Variants in APC2 observed in about 807,000 individuals in gnomAD.
APC2 encodes the protein APC regulator of Wnt signaling pathway 2, also known as adenomatous polyposis coli protein 2.
APC2 carries 41 observed loss-of-function variants against 72.5 expected under a neutral mutation model. That is an observed-to-expected ratio of 0.57 (90% CI 0.44 to 0.73). APC2 has a LOEUF of 0.73. Among genes scored for constraint, APC2 ranks in the 30% least tolerant of loss-of-function variants. The probability of loss-of-function intolerance (pLI) is 0.00; values close to 1 mark genes in which losing one functional copy is unlikely to be tolerated. For missense variants in APC2, 3,729 were observed against 3,403.4 expected, an observed-to-expected ratio of 1.10 and a Z score of -2.38; for synonymous variants, 1,898 against 1,612.0, an observed-to-expected ratio of 1.18 and a Z score of -4.25.
intron 13 of APC2, 69 bp from the exon 14 acceptor site, chr19:1,461,894 T>G: frequency 7.6e-7 from 1 of 1,319,776 alleles, no homozygotes; most frequent in Admixed American, 2.3e-5. Context: ...CTTCACTGAA[T>G]GTGAGCGTGG....
intron 4 of APC2, among the ~76,000 whole-genome samples, chr19:1,454,228 G>T (rs2083783617): frequency 6.6e-6 from 1 of 152,208 alleles, no homozygotes; most frequent in South Asian, 2.1e-4. Context: ...AACCTCTGTT[G>T]CACCTGGAGC....
chr19:1,459,960 C>T (rs1214832735), intron 10 of APC2, among the ~76,000 whole-genome samples: 6 of 152,256 alleles, frequency 3.9e-5, no homozygotes, highest in African/African-American at 9.6e-5. Context: ...TGACAGGAGG[C>T]GGGGGTGGCA....
upstream of APC2, chr19:1,450,057 C>T: frequency 1.1e-6 from 1 of 890,688 alleles, no homozygotes; most frequent in South Asian, 5.2e-5. Flanking sequence ...TGGCACCAGC[C>T]CGTCTTCCCG....
chr19:1,460,073 G>A (rs2083898674), intron 10 of APC2, 108 bp from the exon 11 acceptor site: 1 of 1,450,726 alleles, frequency 6.9e-7, no homozygotes, highest in African/African-American at 1.4e-5. Flanking sequence ...GGAACTTGAG[G>A]GCAGGTCTGG....
chr19:1,454,060 T>A lies in APC2; in HGVS notation c.413+449T>A, dbSNP rs557116303. Among the ~76,000 whole-genome samples the A allele has an allele frequency of 7.9e-5, 12 of 152,270 alleles. No homozygotes were observed. The East Asian group carries it at 2.3e-3, about 29-fold the overall frequency. On this transcript the variant is annotated intron_variant, in intron 4 of 14. Coordinates refer to ENST00000590469, the MANE Select transcript of APC2 (RefSeq NM_005883.3). The stretch of plus-strand genomic sequence containing the variant: ...GCAGGGTCTGGGCACCCTGTGCAGC[T>A]GGGAGGGGTCATGTGGGGTCAGATG...
rs2084102095 is a variant in APC2 at position 1,469,830 on chromosome 19, G to A, written c.6529G>A (p.Ala2177Thr). Residue 2177 changes from alanine to threonine, a missense_variant, in exon 15 of 15, where the codon GCC becomes ACC. Coordinates refer to ENST00000590469, the MANE Select transcript of APC2 (RefSeq NM_005883.3). ...ACTGCGGGGCTCCACGCCCGAGGACGCCCCGGCCGGGCCCCCGCCGCGCAA... is the reference window on the plus strand; with the variant it reads ...ACTGCGGGGCTCCACGCCCGAGGACACCCCGGCCGGGCCCCCGCCGCGCAA... ...LPLRGSTPED[A>T]PAGPPPRKTS... The A allele has an allele frequency of 9.9e-6, 15 of 1,519,260 alleles. No homozygotes were observed. The African/African-American group carries it at 1.6e-4, about 16-fold the overall frequency. 94.1% of individuals were successfully genotyped at this position (1,519,260 alleles called of 1,614,324 possible).
At chr19:1,458,114 G>A (rs2083867473) in intron 10 of APC2, 54 bp downstream of exon 10, 3 of 1,488,658 alleles carry the variant, frequency 2.0e-6, no homozygotes, top group South Asian at 2.4e-5. Flanking sequence ...AACAGGTGGT[G>A]GCTCCTCGGC....
rs187054163 is a variant in APC2, at chr19:1,454,457, C to T, written c.414-692C>T. On this transcript the variant is annotated intron_variant, in intron 4 of 14. Coordinates refer to ENST00000590469, the MANE Select transcript of APC2 (RefSeq NM_005883.3). ...GCAGTGGTATGATCATCGCTCACTG[C>T]AGCCTCGAACTCCTGGGTTCAGGTG... 1.3e-4 allele frequency among the ~76,000 whole-genome samples: 20 copies of T among 151,900 alleles called. No homozygotes were observed. The East Asian group carries it at 3.5e-3, about 26-fold the overall frequency.
Position 1,468,168 on chromosome 19 carries a change from C to G in APC2, c.4867C>G (p.Arg1623Gly). ...CGGACGCGACAGCTCGCCCAGCCCGCGGGCCGCGGAGGAGCTTCTGCAGCG... is the reference window on the plus strand; with the variant it reads ...CGGACGCGACAGCTCGCCCAGCCCGGGGGCCGCGGAGGAGCTTCTGCAGCG... ...GGGRDSSPSP[R>G]AAEELLQRCI... is the part of the protein sequence containing the mutation. Residue 1623 changes from arginine to glycine, a missense_variant, in exon 15 of 15, where the codon CGG (arginine) becomes GGG (glycine). By Grantham distance (125) the Arg-to-Gly change is moderately radical (BLOSUM62 -2). Transcript: ENST00000590469. 1.4e-6 allele frequency: 2 copies of G among 1,454,532 alleles called. No homozygotes were observed. The highest frequency in any genetic ancestry group is 2.7e-5 in the South Asian group (2 of 73,054). The allele number at this position is 1,454,532 out of a possible 1,614,324, so 90.1% of individuals were successfully genotyped here. A position where few individuals can be genotyped will look rare whatever the true frequency, so the allele number is the denominator to read the frequency against.
In APC2 at chr19:1,469,209, C is replaced by T. The variant is rs1463649081; in HGVS notation, c.5908C>T (p.Leu1970=). 3.7e-6 allele frequency: 5 copies of T among 1,349,284 alleles called. No homozygotes were observed. In the Admixed American group the frequency reaches 1.3e-4, roughly 36 times the overall value. 83.6% of individuals were successfully genotyped at this position (1,349,284 alleles called of 1,614,324 possible). A position where few individuals can be genotyped will look rare whatever the true frequency, so the allele number is the denominator to read the frequency against. The change falls in exon 15 of 15, where the codon CTG becomes TTG. Residue 1970 remains leucine, a synonymous_variant. Transcript: ENST00000590469. ...GGGCCCGGGGGCGCGCGGGGGCCGC[C>T]TGGGCCTGGTGCGTGTGGCCTCAGC... is the stretch of plus-strand genomic sequence containing the variant. ...EAGPGARGGR[L]GLVRVASALS...
chr19:1,466,528 T>G lies in APC2; in HGVS notation c.3227T>G (p.Leu1076Arg). The G allele has an allele frequency of 6.3e-7, 1 of 1,591,606 alleles. No homozygotes were observed. Among genetic ancestry groups the G allele is most frequent in the Non-Finnish European group, 8.5e-7 (1 of 1,176,620 alleles). ...TCCCGATGCAGCTCCCTTTCCTCGCTGTCCTCGGCCGGCCGCCCAGGCCCC... is the reference window on the plus strand; with the variant it reads ...TCCCGATGCAGCTCCCTTTCCTCGCGGTCCTCGGCCGGCCGCCCAGGCCCC... ...SLSRCSSLSS[L>R]SSAGRPGPSE... Residue 1076 changes from leucine to arginine, a missense_variant, in exon 15 of 15, where the codon CTG (leucine) becomes CGG (arginine). Leu to Arg is a moderately radical substitution (Grantham distance 102, BLOSUM62 -2). Transcript: ENST00000590469.
chr19:1,469,986 G>A lies in APC2; in HGVS notation c.6685G>A (p.Asp2229Asn), dbSNP rs1292250946. The A allele has an allele frequency of 2.0e-6, 3 of 1,530,300 alleles. No individual in the cohort carries two copies. Among genetic ancestry groups the A allele is most frequent in the African/African-American group, 1.4e-5 (1 of 71,768 alleles). The allele number at this position is 1,530,300 out of a possible 1,614,324, so 94.8% of individuals were successfully genotyped here. A position where few individuals can be genotyped will look rare whatever the true frequency, so the allele number is the denominator to read the frequency against. Residue 2229 changes from aspartate (D) to asparagine (N), a missense_variant, in exon 15 of 15, where the codon GAC (aspartate) becomes AAC (asparagine). Coordinates refer to ENST00000590469, the MANE Select transcript of APC2 (RefSeq NM_005883.3). ...CGGCCAGCTCTCCCTCCTCGGCAGC[G>A]ACGTGGACGGTCCCAGCCTCGCCAA... ...AGGQLSLLGSDVDGPSLAKAP... is the reference protein window; with the variant it reads ...AGGQLSLLGSNVDGPSLAKAP...
rs370872289 is a variant in APC2, at chr19:1,452,865, C to T, written c.-18-119C>T. The T allele has an allele frequency of 1.2e-5, 15 of 1,257,586 alleles. No homozygotes were observed. The East Asian group carries it at 2.5e-4, about 21-fold the overall frequency. 77.9% of individuals were successfully genotyped at this position (1,257,586 alleles called of 1,614,324 possible). On this transcript the variant is annotated intron_variant, in intron 1 of 14. Coordinates refer to ENST00000590469, the MANE Select transcript of APC2 (RefSeq NM_005883.3). This position sits in a 1 kb window ranked among gnomAD's most constrained non-coding sequence, Gnocchi z 5.1. ...CACACCAGTGACTCCTGCCTGAGAC[C>T]CCCCCCAACCCAGGATCAGGCAGGA...
Position 1,465,288 on chromosome 19 carries a change from C to T in APC2, c.1987C>T (p.Leu663=), listed in dbSNP as rs747325354. The T allele has an allele frequency of 2.1e-4, 332 of 1,603,006 alleles. No homozygotes were observed. The highest frequency in any genetic ancestry group is 2.5e-4 in the Non-Finnish European group (300 of 1,178,128). The stretch of plus-strand genomic sequence containing the variant: ...CCGCAGCGCCCGTGACCAGGAGCTG[C>T]TGTGGGACCTGGGCGCCGTGGGCAT... ...SARSARDQEL[L]WDLGAVGMLR... is the part of the protein sequence containing the mutation. Residue 663 remains leucine (L), a synonymous_variant, in exon 15 of 15, where the codon CTG becomes TTG. Coordinates refer to ENST00000590469, the MANE Select transcript of APC2 (RefSeq NM_005883.3).
Position 1,465,523 on chromosome 19 carries a change from A to G in APC2, c.2222A>G (p.His741Arg). The part of the protein sequence containing the change: ...DARHLAQALE[H>R]LEKQGPPAAE... ...CGGCACCTCGCGCAGGCGCTGGAGCACCTGGAGAAGCAGGGCCCGCCGGCA... is the reference window on the plus strand; with the variant it reads ...CGGCACCTCGCGCAGGCGCTGGAGCGCCTGGAGAAGCAGGGCCCGCCGGCA... The change falls in exon 15 of 15, where the codon CAC (histidine) becomes CGC (arginine). Residue 741 changes from histidine (H) to arginine (R), a missense_variant. Transcript: ENST00000590469. The G allele has an allele frequency of 6.5e-7, 1 of 1,527,440 alleles. No individual in the cohort carries two copies. 94.6% of individuals were successfully genotyped at this position (1,527,440 alleles called of 1,614,324 possible). A position where few individuals can be genotyped will look rare whatever the true frequency, so the allele number is the denominator to read the frequency against.
At chr19:1,456,473 T>A in intron 8 of APC2, 69 bp downstream of exon 8, 1 of 1,430,616 alleles carries the variant, frequency 7.0e-7, no homozygotes. Flanking sequence ...GTCTGCATCC[T>A]CGCCAGTGGT....
At chr19:1,460,438 A>G in intron 11 of APC2, 118 bp downstream of exon 11, 1 of 1,478,724 alleles carries the variant, frequency 6.8e-7, no homozygotes, top group South Asian at 1.3e-5. Context: ...ACTTGTCCCC[A>G]ACTTACAGAC....
chr19:1,456,059 C>A lies in APC2; in HGVS notation c.640-17C>A, dbSNP rs1243126084. On this transcript the variant is annotated splice_polypyrimidine_tract_variant and intron_variant, in intron 6 of 14. Transcript: ENST00000590469. Reference sequence around the variant, plus strand: ...CGGGGTCAGCTCCAGCACTTGCCCTCGTGTGGTCCTGAGCAGATCCGCGCC... The same window carrying A: ...CGGGGTCAGCTCCAGCACTTGCCCTAGTGTGGTCCTGAGCAGATCCGCGCC... The A allele has an allele frequency of 9.0e-6, 14 of 1,548,816 alleles. No individual in the cohort carries two copies. The highest frequency in any genetic ancestry group is 1.2e-5 in the Non-Finnish European group (14 of 1,150,140).
rs772488087 is a variant in APC2 at position 1,465,134 on chromosome 19, T to C, written c.1854-21T>C. 10 of 1,584,418 alleles carry C rather than the reference T, an allele frequency of 6.3e-6. No individual in the cohort carries two copies. In the East Asian group the frequency reaches 2.3e-4, roughly 37 times the overall value. On this transcript the variant is annotated intron_variant, in intron 14 of 14. Transcript: ENST00000590469. ...GGGGAGGGTGGGGGGTGGCCCAGGCTAACCCGCCCTGTGCCTACAGGCAGG... is the reference window on the plus strand; with the variant it reads ...GGGGAGGGTGGGGGGTGGCCCAGGCCAACCCGCCCTGTGCCTACAGGCAGG...
Sources: gnomAD v4.1 joint callset for allele counts (sites outside exome capture counted in the v4.1 genomes callset) on GRCh38, gnomAD v4.1.1 for gene constraint, Gnocchi (gnomAD v3.1) non-coding constraint, MANE v1.5 for transcripts, NCBI Gene and HGNC (gene_info 2026-07-23, HGNC 2026-07-21) for gene names.